TCEA3: variants seen among roughly 807,000 people sequenced by gnomAD.
TCEA3 encodes the protein transcription elongation factor A3, also known as transcription elongation factor A protein 3.
TCEA3 carries 36 observed loss-of-function variants against 44.0 expected under a neutral mutation model. The observed-to-expected ratio is 0.82, with a 90% CI of 0.63 to 1.08. The LOEUF (loss-of-function observed/expected upper bound fraction) is 1.08. Among genes scored for constraint, TCEA3 ranks in the 50% least tolerant of loss-of-function variants. TCEA3 has a pLI of 0.00. For missense variants in TCEA3, 392 were observed against 441.2 expected (o/e 0.89, Z 1.00); for synonymous variants, 162 against 159.7 (o/e 1.01, Z -0.11).
At chr1:23,415,737 G>A (rs550365376) in intron 4 of TCEA3, among the ~76,000 whole-genome samples, 3 of 152,292 alleles carry the variant, frequency 2.0e-5, no homozygotes, top group South Asian at 4.1e-4. Flanking sequence ...AAACACACTC[G>A]TGTGAAAAGT....
intron 4 of TCEA3, among the ~76,000 whole-genome samples, chr1:23,414,455 T>G (rs1364946137): frequency 2.0e-5 from 3 of 152,204 alleles, no homozygotes. Flanking sequence ...CAGGCTGGAG[T>G]GCAGTGGCAC....
intron 3 of TCEA3, among the ~76,000 whole-genome samples, 158 bp from the exon 4 acceptor site, chr1:23,417,548 C>T (rs976742808): frequency 1.3e-5 from 2 of 152,208 alleles, no homozygotes; most frequent in Non-Finnish European, 2.9e-5. Context: ...GCACAAACAA[C>T]AGGAACGTGT....
chr1:23,381,593 C>G, intron 10 of TCEA3, 119 bp from the exon 11 acceptor site: 1 of 726,350 alleles, frequency 1.4e-6, no homozygotes, highest in South Asian at 1.5e-5. Flanking sequence ...GTCCAAAGCC[C>G]AGCTCTGCCA....
intron 1 of TCEA3, chr1:23,419,406 G>T: frequency 3.1e-6 from 1 of 322,228 alleles, no homozygotes. Context: ...CCCCAGGAAT[G>T]CCCTCCCCCT....
intron 2 of TCEA3, 37 bp downstream of exon 2, chr1:23,419,040 C>A (rs751413768): frequency 4.0e-6 from 5 of 1,255,584 alleles, no homozygotes; most frequent in Non-Finnish European, 5.5e-6. Context: ...AGCTCTCCCC[C>A]CAGGCACTGT....
intron 3 of TCEA3, 82 bp downstream of exon 3, chr1:23,417,822 A>G: frequency 7.9e-7 from 1 of 1,273,500 alleles, no homozygotes; most frequent in African/African-American, 1.5e-5. Flanking sequence ...ACATACACTG[A>G]GTGCTGGCTA....
At chr1:23,399,292 T>C (rs934288212) in intron 5 of TCEA3, among the ~76,000 whole-genome samples, 3 of 151,688 alleles carry the variant, frequency 2.0e-5, no homozygotes, top group Non-Finnish European at 2.9e-5. Context: ...TTCTGGAGGC[T>C]GGGAAGCCCA....
Sources: gnomAD v4.1 joint callset for allele counts (sites outside exome capture counted in the v4.1 genomes callset) on GRCh38, gnomAD v4.1.1 for gene constraint, MANE v1.5 for transcripts, NCBI Gene and HGNC (gene_info 2026-07-23, HGNC 2026-07-21) for gene names.